Variants in SERPINA12 observed in about 807,000 individuals in gnomAD.
The protein encoded by SERPINA12 is serpin A12.
A neutral mutation model predicts 25.9 loss-of-function variants in SERPINA12; 21 were observed. That is an observed-to-expected ratio of 0.81 (90% confidence interval 0.58 to 1.17). The LOEUF (loss-of-function observed/expected upper bound fraction) is 1.17. Ranked by LOEUF, SERPINA12 falls within the 50% of genes most tolerant of loss-of-function variation. The pLI is 0.00. For synonymous variants in SERPINA12, 220 were observed against 196.0 expected, an observed-to-expected ratio of 1.12 and a Z score of -1.02; for missense variants, 562 against 508.3, an observed-to-expected ratio of 1.11 and a Z score of -1.02.
intron 1 of SERPINA12, chr14:94,501,171 G>A: frequency 1.0e-6 from 1 of 985,342 alleles, no homozygotes; most frequent in Non-Finnish European, 1.2e-6. Context: ...GGGTTTAGGG[G>A]GCTGCACTGT....
At chr14:94,515,303 G>C (rs1462005181) in intron 2 of SERPINA12, among the ~76,000 whole-genome samples, 2 of 152,212 alleles carry the variant, frequency 1.3e-5, no homozygotes, top group East Asian at 3.8e-4. Context: ...ACCTAGGGCT[G>C]TCTGGGTGGT....
At chr14:94,500,304 C>T (rs1900660052) in intron 1 of SERPINA12, among the ~76,000 whole-genome samples, 1 of 152,158 alleles carries the variant, frequency 6.6e-6, no homozygotes, top group Non-Finnish European at 1.5e-5. Flanking sequence ...TCTCCTCTTC[C>T]CCTCCTCGCC....
upstream of SERPINA12, chr14:94,511,458 G>T (rs1022480290): frequency 2.0e-6 from 2 of 985,268 alleles, no homozygotes; most frequent in Non-Finnish European, 2.4e-6. Flanking sequence ...CAGAAACTTT[G>T]GGAGAAATCA....
At chr14:94,504,465 T>A (rs1358258127) in intron 1 of SERPINA12, among the ~76,000 whole-genome samples, 1 of 152,240 alleles carries the variant, frequency 6.6e-6, no homozygotes, top group Admixed American at 6.5e-5. Context: ...GTCCTAATAC[T>A]GAATATTCAA....
intron 4 of SERPINA12, among the ~76,000 whole-genome samples, chr14:94,488,248 C>T (rs1049145543): frequency 3.3e-5 from 5 of 152,090 alleles, no homozygotes; most frequent in African/African-American, 9.7e-5. Context: ...CTTATGTCAA[C>T]GTGAAAAATA....
Position 94,503,211 on chromosome 14 carries a change from T to C in SERPINA12, c.-33-4781A>G. Reference sequence around the variant, plus strand: ...TAGAACTAAGTGGTGGTAAGACATATCTTCTCTCCCCTGTTAGAAGTAAGA... The same window carrying C: ...TAGAACTAAGTGGTGGTAAGACATACCTTCTCTCCCCTGTTAGAAGTAAGA... On this transcript the variant is annotated intron_variant, in intron 1 of 4. Transcript: ENST00000677451. 9 of 984,664 alleles carry C rather than the reference T, an allele frequency of 9.1e-6. 1 individual carries two copies. The South Asian group carries it at 3.8e-4, about 41-fold the overall frequency. 61.0% of individuals were successfully genotyped at this position (984,664 alleles called of 1,614,324 possible).
At chr14:94,502,610 TC>T (rs1340308546) in intron 1 of SERPINA12, among the ~76,000 whole-genome samples, 3 of 152,156 alleles carry the variant, frequency 2.0e-5, no homozygotes, top group East Asian at 1.9e-4. Flanking sequence ...TAGAGAGAAC[TC>T]CCCCTGCCCC....
At chr14:94,499,436 T>A (rs1382164445) in intron 1 of SERPINA12, among the ~76,000 whole-genome samples, 1 of 152,256 alleles carries the variant, frequency 6.6e-6, no homozygotes, top group Non-Finnish European at 1.5e-5. Context: ...AGAGAGATGC[T>A]AAAAGCATGT....
At chr14:94,505,640 C>G (rs1045526529) in intron 1 of SERPINA12, among the ~76,000 whole-genome samples, 3 of 152,178 alleles carry the variant, frequency 2.0e-5, no homozygotes, top group African/African-American at 7.2e-5. Flanking sequence ...CAGGTCTGTA[C>G]ATCTGGTTTG....
intron 1 of SERPINA12, chr14:94,503,338 G>GC: frequency 1.0e-6 from 1 of 984,876 alleles, no homozygotes. Context: ...TTGTTAATTT[G>GC]CCCTGTAGAT....
rs372679614 is a variant in SERPINA12 at position 94,502,489 on chromosome 14, G to A, written c.-33-4059C>T. On this transcript the variant is annotated intron_variant, in intron 1 of 4. Coordinates refer to ENST00000677451, the MANE Select transcript of SERPINA12 (RefSeq NM_001382267.1). The stretch of plus-strand genomic sequence containing the variant: ...AATAATATTTCTAATTTTACAAAGC[G>A]CTTCCCCCGTTATCACCACAGTTTG... 1.3e-4 allele frequency among the ~76,000 whole-genome samples: 20 copies of A among 152,238 alleles called. No homozygotes were observed. The East Asian group carries it at 2.7e-3, about 21-fold the overall frequency.
Position 94,497,798 on chromosome 14 carries a change from A to T in SERPINA12, c.600T>A (p.Thr200=), listed in dbSNP as rs756942120. ...AAATATAATTTGCAAGAAGCATCAC[A>T]GTGCCGGGGTCTATATTCTCGATCA... ...NNLIENIDPG[T]VMLLANYIFF... The change falls in exon 2 of 5, where the codon ACT becomes ACA. Residue 200 remains threonine, a synonymous_variant. Coordinates refer to ENST00000677451, the MANE Select transcript of SERPINA12 (RefSeq NM_001382267.1). 2.5e-6 allele frequency: 4 copies of T among 1,608,634 alleles called. No individual in the cohort carries two copies. Among genetic ancestry groups the T allele is most frequent in the Non-Finnish European group, 3.4e-6 (4 of 1,178,012 alleles).
intron 3 of SERPINA12, among the ~76,000 whole-genome samples, chr14:94,490,263 C>A (rs1043407877): frequency 6.6e-6 from 1 of 152,154 alleles, no homozygotes; most frequent in African/African-American, 2.4e-5. Context: ...GTCGCTCCTG[C>A]GGGACACTAG....
chr14:94,513,999 C>T (rs1901170521), upstream of SERPINA12, among the ~76,000 whole-genome samples: 1 of 152,090 alleles, frequency 6.6e-6, no homozygotes, highest in Admixed American at 6.5e-5. Flanking sequence ...TGGTGCGGGC[C>T]TAGACTCCCA....
intron 1 of SERPINA12, 145 bp from the exon 2 acceptor site, chr14:94,498,575 A>AT: frequency 1.5e-6 from 1 of 648,702 alleles, no homozygotes; most frequent in Non-Finnish European, 2.6e-6. Flanking sequence ...TAGCATTTAA[A>AT]CTTTATAATC....
In SERPINA12 at chr14:94,489,854, G is replaced by A. The variant is rs1161837237; in HGVS notation, c.906-87C>T. ...AGGATACATGACCAATGAAACATGT[G>A]TCCTCCCAGCCCCAAAGGTCTCCAA... On this transcript the variant is annotated intron_variant, in intron 3 of 4. Coordinates refer to ENST00000677451, the MANE Select transcript of SERPINA12 (RefSeq NM_001382267.1). 3.0e-6 allele frequency: 4 copies of A among 1,351,450 alleles called. No individual in the cohort carries two copies. The Admixed American group carries it at 7.5e-5, about 25-fold the overall frequency. 83.7% of individuals were successfully genotyped at this position (1,351,450 alleles called of 1,614,324 possible).
intron 3 of SERPINA12, among the ~76,000 whole-genome samples, chr14:94,494,389 C>T (rs1281272092): frequency 1.3e-5 from 2 of 152,224 alleles, no homozygotes; most frequent in African/African-American, 4.8e-5. Context: ...CGGAACATGG[C>T]TTGGAGGCAT....
At chr14:94,497,680 A>T in intron 2 of SERPINA12, 84 bp downstream of exon 2, 3 of 1,270,464 alleles carry the variant, frequency 2.4e-6, no homozygotes, top group Non-Finnish European at 3.3e-6. Context: ...AAGGTCACAG[A>T]GTAAACAAGT....
In SERPINA12 at chr14:94,497,962, G is replaced by T; in HGVS notation, c.436C>A (p.Pro146Thr). 6.2e-7 allele frequency: 1 copy of T among 1,614,208 alleles called. No individual in the cohort carries two copies. The highest frequency in any genetic ancestry group is 1.1e-5 in the South Asian group (1 of 91,082). The change falls in exon 2 of 5, where the codon CCA becomes ACA. Residue 146 changes from proline (P) to threonine (T), a missense_variant. Physicochemically the swap from Pro to Thr is conservative, Grantham distance 38. Coordinates refer to ENST00000677451, the MANE Select transcript of SERPINA12 (RefSeq NM_001382267.1). ...NTLFIDQRLQ[P>T]QRKFLEDAKN... ...GCATCTTCCAAAAACTTACGCTGTG[G>T]CTGCAGCCTCTGGTCAATGAACAGC...
Sources: allele counts gnomAD v4.1 joint callset (sites outside exome capture counted in the v4.1 genomes callset), GRCh38; gene constraint gnomAD v4.1.1; transcripts MANE v1.5; gene names NCBI Gene and HGNC (gene_info 2026-07-23, HGNC 2026-07-21).